SPARCL1: variants seen among roughly 807,000 people sequenced by gnomAD.
SPARCL1 encodes the protein SPARC-like protein 1.
In SPARCL1, 52 loss-of-function variants were observed where a neutral mutation model predicts 67.1. The observed-to-expected ratio is 0.78, with a 90% CI of 0.62 to 0.98. The LOEUF (loss-of-function observed/expected upper bound fraction) is 0.98, where lower values mean the gene tolerates loss of function less well. Ranked by LOEUF, SPARCL1 falls within the 50% of genes least tolerant of loss-of-function variation. The pLI, the probability that SPARCL1 is intolerant of heterozygous loss-of-function variation, is 0.00. For synonymous variants in SPARCL1, 226 were observed against 267.8 expected (o/e 0.84, Z 1.52); for missense variants, 717 against 782.4 (o/e 0.92, Z 1.00).
chr4:87,518,547 A>T (rs1578116529), intron 1 of SPARCL1, among the ~76,000 whole-genome samples: 1 of 152,230 alleles, frequency 6.6e-6, no homozygotes, highest in Admixed American at 6.5e-5. Context: ...TGATGCTGAT[A>T]CTTCTCTTCC....
intron 10 of SPARCL1, among the ~76,000 whole-genome samples, chr4:87,477,943 T>C (rs559582113): frequency 1.3e-5 from 2 of 152,314 alleles, no homozygotes; most frequent in African/African-American, 2.4e-5. Flanking sequence ...CAGAATGATA[T>C]TGCAAGGAAA....
At chr4:87,508,094 A>G (rs1725179902) in intron 1 of SPARCL1, among the ~76,000 whole-genome samples, 1 of 152,220 alleles carries the variant, frequency 6.6e-6, no homozygotes, top group African/African-American at 2.4e-5. Context: ...AGACTTCATG[A>G]AAGGATAGGC....
At chr4:87,503,854 T>G (rs907028816) in intron 1 of SPARCL1, among the ~76,000 whole-genome samples, 2 of 151,894 alleles carry the variant, frequency 1.3e-5, no homozygotes, top group African/African-American at 2.4e-5. Context: ...AATTTTTGTA[T>G]TTTTAGTAGA....
intron 1 of SPARCL1, among the ~76,000 whole-genome samples, chr4:87,511,357 A>G (rs1247945828): frequency 6.6e-6 from 1 of 152,176 alleles, no homozygotes; most frequent in Admixed American, 6.5e-5. Flanking sequence ...AAGGTGAAGG[A>G]TTATAGGAGG....
At chr4:87,525,973 T>G (rs192986198) in intron 1 of SPARCL1, among the ~76,000 whole-genome samples, 1 of 152,264 alleles carries the variant, frequency 6.6e-6, no homozygotes, top group Admixed American at 6.5e-5. Context: ...CTCTTTCACT[T>G]GAATTTCAGT....
chr4:87,482,350 A>C (rs927166719), intron 8 of SPARCL1, 74 bp downstream of exon 8: 1 of 1,511,848 alleles, frequency 6.6e-7, no homozygotes, highest in Non-Finnish European at 9.0e-7. Context: ...AGAGGTAGGT[A>C]GCCCCCCCAC....
At chr4:87,516,540 C>A (rs764475046) in intron 1 of SPARCL1, among the ~76,000 whole-genome samples, 10 of 152,142 alleles carry the variant, frequency 6.6e-5, no homozygotes, top group Non-Finnish European at 8.8e-5. Context: ...CTATGCTAAG[C>A]ACTTCACCTG....
intron 1 of SPARCL1, among the ~76,000 whole-genome samples, chr4:87,507,128 C>T (rs896368676): frequency 3.3e-5 from 5 of 152,132 alleles, no homozygotes; most frequent in Non-Finnish European, 4.4e-5. Context: ...CATTTAGGCT[C>T]CTTTTAATGC....
At chr4:87,506,430 G>T (rs1725074341) in intron 1 of SPARCL1, among the ~76,000 whole-genome samples, 1 of 152,198 alleles carries the variant, frequency 6.6e-6, no homozygotes, top group African/African-American at 2.4e-5. Flanking sequence ...TTGGTAGACA[G>T]AATAAAGCAG....
chr4:87,525,703 G>A (rs1484035123), intron 1 of SPARCL1, among the ~76,000 whole-genome samples: 1 of 152,174 alleles, frequency 6.6e-6, no homozygotes, highest in Non-Finnish European at 1.5e-5. Context: ...TGCAATGGGT[G>A]TACATAAGTT....
intron 10 of SPARCL1, among the ~76,000 whole-genome samples, chr4:87,474,424 C>T (rs1230042138): frequency 6.6e-6 from 1 of 151,598 alleles, no homozygotes; most frequent in Non-Finnish European, 1.5e-5. Flanking sequence ...GTACTGGCTT[C>T]ATATGTAAAA....
intron 1 of SPARCL1, among the ~76,000 whole-genome samples, chr4:87,508,979 T>C (rs1725235063): frequency 6.8e-6 from 1 of 147,862 alleles, no homozygotes; most frequent in Admixed American, 6.8e-5. Flanking sequence ...GAGGGCTAAA[T>C]GTATACTATA....
At chr4:87,481,074 C>T (rs1242728316) in intron 8 of SPARCL1, among the ~76,000 whole-genome samples, 2 of 152,106 alleles carry the variant, frequency 1.3e-5, no homozygotes, top group Non-Finnish European at 2.9e-5. Flanking sequence ...AAGACGGGGG[C>T]TAGAAATTAT....
chr4:87,522,059 C>T lies in SPARCL1; in HGVS notation c.-12+6986G>A, dbSNP rs553454065. ...TTAGTCATATTTTGGCTAACATATA[C>T]GTGCTGTTACCTGATCCAGTGTTAA... On this transcript the variant is annotated intron_variant, in intron 1 of 10. Transcript: ENST00000282470. Among the ~76,000 whole-genome samples, 11 of 152,290 alleles carry T rather than the reference C, an allele frequency of 7.2e-5. No homozygotes were observed. The South Asian group carries it at 1.7e-3, about 23-fold the overall frequency.
At chr4:87,490,633 T>C in intron 6 of SPARCL1, 127 bp downstream of exon 6, 1 of 767,342 alleles carries the variant, frequency 1.3e-6, no homozygotes, top group Non-Finnish European at 2.1e-6. Context: ...ATGTTCCAAA[T>C]ATCCCAAATA....
intron 1 of SPARCL1, among the ~76,000 whole-genome samples, chr4:87,522,640 A>AACAC (rs57929830): frequency 0.039 from 5,092 of 131,802 alleles, 154 homozygotes; most frequent in African/African-American, 0.075. Flanking sequence ...ACCACCACCA[A>AACAC]ACACACACAC....
chr4:87,505,010 G>C (rs1725015502), intron 1 of SPARCL1: 1 of 152,128 alleles, frequency 6.6e-6, no homozygotes, highest in Non-Finnish European at 1.5e-5. Context: ...TCCCCCCGCT[G>C]CCCCAAAACT....
At chr4:87,479,355 TC>T in intron 10 of SPARCL1, 74 bp downstream of exon 10, 1 of 1,478,560 alleles carries the variant, frequency 6.8e-7, no homozygotes, top group Non-Finnish European at 9.2e-7. Context: ...GCAGGACCTC[TC>T]TATGAAGCAT....
At chr4:87,497,160 A>G (rs1724652794) in intron 2 of SPARCL1, 2 of 976,146 alleles carry the variant, frequency 2.0e-6, no homozygotes, top group Middle Eastern at 5.3e-4. Flanking sequence ...GGGATTACAG[A>G]TGTGAGCCAC....
Sources: gnomAD v4.1 joint callset for allele counts (sites outside exome capture counted in the v4.1 genomes callset) on GRCh38, gnomAD v4.1.1 for gene constraint, MANE v1.5 for transcripts, NCBI Gene and HGNC (gene_info 2026-07-23, HGNC 2026-07-21) for gene names.